Variants in IHO1 observed in about 807,000 individuals in gnomAD.
IHO1 encodes the protein interactor of HORMAD1 protein 1.
Under a neutral mutation model 31.0 loss-of-function variants are expected in IHO1, and 13 were observed. The observed-to-expected ratio is 0.42, with a 90% CI of 0.27 to 0.67. The LOEUF (loss-of-function observed/expected upper bound fraction) is 0.67. Ranked by LOEUF, IHO1 falls within the 30% of genes least tolerant of loss-of-function variation. The pLI, the probability that IHO1 is intolerant of heterozygous loss-of-function variation, is 0.24. For missense variants in IHO1, 599 were observed against 687.5 expected, an observed-to-expected ratio of 0.87 and a Z score of 1.44; for synonymous variants, 221 against 248.4, an observed-to-expected ratio of 0.89 and a Z score of 1.04.
Position 49,257,307 on chromosome 3 carries a change from C to A in IHO1, c.*25C>A. ...ACCAGTCCACAGTTGATTTATTGGT[C>A]TCAGCTAGAAAGAGAAATTGCAGGA... On this transcript the variant is annotated 3_prime_UTR_variant, in exon 8 of 8. Transcript: ENST00000452691. 1.3e-6 allele frequency: 2 copies of A among 1,598,546 alleles called. No individual in the cohort carries two copies. Among genetic ancestry groups the A allele is most frequent in the South Asian group, 2.3e-5 (2 of 88,716 alleles).
intron 2 of IHO1, among the ~76,000 whole-genome samples, chr3:49,221,065 T>G (rs1360881771): frequency 1.4e-4 from 21 of 152,066 alleles, no homozygotes. Context: ...TTTTACAGAG[T>G]GCTGATTGGG....
intron 6 of IHO1, among the ~76,000 whole-genome samples, chr3:49,250,035 A>G (rs1437323940): frequency 6.6e-6 from 1 of 152,256 alleles, no homozygotes. Context: ...AATGGATTTT[A>G]AATGGCATTT....
At chr3:49,246,858 CT>C (rs542095883) in intron 6 of IHO1, among the ~76,000 whole-genome samples, 158 of 143,772 alleles carry the variant, frequency 1.1e-3, no homozygotes, top group Non-Finnish European at 1.1e-3. Flanking sequence ...TTTTTCTTTT[CT>C]TTTTTTTTTT....
intron 6 of IHO1, chr3:49,252,381 A>G (rs2046770920): frequency 6.5e-6 from 1 of 153,120 alleles, no homozygotes; most frequent in Admixed American, 6.6e-5. Flanking sequence ...AAAAATACAC[A>G]TAACATAAAA....
chr3:49,215,895 A>G (rs535565242), intron 2 of IHO1, among the ~76,000 whole-genome samples: 7 of 152,300 alleles, frequency 4.6e-5, no homozygotes, highest in African/African-American at 1.7e-4. Context: ...GAGAAGGGTC[A>G]ATTTCTACAT....
the IHO1 span, chr3:49,191,892 G>T: frequency 1.2e-6 from 1 of 863,396 alleles, no homozygotes; most frequent in Non-Finnish European, 1.9e-6. Flanking sequence ...GGTTGTGACT[G>T]CACAATGCTG....
the IHO1 span, chr3:49,191,837 G>A: frequency 2.0e-6 from 3 of 1,483,428 alleles, no homozygotes; most frequent in Non-Finnish European, 2.7e-6. Context: ...CTTCAGGAAA[G>A]AGAATCTCTG....
rs769207734 is a variant in IHO1 at position 49,255,404 on chromosome 3, C to G, written c.547C>G (p.Gln183Glu). 7 of 1,601,124 alleles carry G rather than the reference C, an allele frequency of 4.4e-6. No homozygotes were observed. Among genetic ancestry groups the G allele is most frequent in the Non-Finnish European group, 6.0e-6 (7 of 1,176,390 alleles). ...TTTGTATTTAGTACAAGAGACTATA[C>G]AGGCCCAGAATGACCTGGTGTTTGA... ...TVAKTLQETI[Q>E]AQNDLVFEAV... The change falls in exon 7 of 8, where the codon CAG becomes GAG. Residue 183 changes from glutamine to glutamate, a missense_variant. Physicochemically the swap from Gln to Glu is conservative, Grantham distance 29. Coordinates refer to ENST00000452691, the MANE Select transcript of IHO1 (RefSeq NM_001135197.2).
At chr3:49,201,611 A>G (rs2046070649) in intron 1 of IHO1, among the ~76,000 whole-genome samples, 1 of 151,992 alleles carries the variant, frequency 6.6e-6, no homozygotes, top group Non-Finnish European at 1.5e-5. Flanking sequence ...CGACAAAGCG[A>G]GACTGCATCC....
chr3:49,192,724 G>A, the IHO1 span, among the ~76,000 whole-genome samples: 1 of 152,058 alleles, frequency 6.6e-6, no homozygotes, highest in Non-Finnish European at 1.5e-5. Context: ...TGGCTAACCT[G>A]GTCTCTACAA....
chr3:49,256,649 C>T lies in IHO1; in HGVS notation c.1152C>T (p.Asp384=), dbSNP rs1262229591. The change falls in exon 8 of 8, where the codon GAC becomes GAT. Residue 384 remains aspartate, a synonymous_variant. Coordinates refer to ENST00000452691, the MANE Select transcript of IHO1 (RefSeq NM_001135197.2). This position sits in a 1 kb window ranked among gnomAD's most constrained non-coding sequence, Gnocchi z 4.6. ...VPGHKIPSDR[D]LVSQGASQLT... is the part of the protein sequence containing the mutation. ...GCCATAAGATTCCCAGTGACAGGGA[C>T]CTGGTTTCCCAAGGAGCCTCACAGC... 2.5e-6 allele frequency: 4 copies of T among 1,614,230 alleles called. No homozygotes were observed. The highest frequency in any genetic ancestry group is 3.4e-6 in the Non-Finnish European group (4 of 1,180,044).
Position 49,212,310 on chromosome 3 carries a change from G to A in IHO1, c.56+474G>A, listed in dbSNP as rs112306246. On this transcript the variant is annotated intron_variant, in intron 2 of 7. Transcript: ENST00000452691. ...TCACCTGAGGTGATCAGGAGTTCAC[G>A]ACTAGCTTGGCCAACGTGGCAAAAC... 5.3e-5 allele frequency among the ~76,000 whole-genome samples: 8 copies of A among 151,130 alleles called. 1 individual carries two copies. Among genetic ancestry groups the A allele is most frequent in the African/African-American group, 1.5e-4 (6 of 41,142 alleles).
chr3:49,205,009 C>T (rs1195411124), intron 1 of IHO1, among the ~76,000 whole-genome samples: 1 of 150,056 alleles, frequency 6.7e-6, no homozygotes, highest in African/African-American at 2.5e-5. Flanking sequence ...GCCTGGGCAA[C>T]AGAGCAAGAC....
At chr3:49,206,581 T>C (rs2046141221) in intron 1 of IHO1, among the ~76,000 whole-genome samples, 2 of 152,266 alleles carry the variant, frequency 1.3e-5, no homozygotes, top group Admixed American at 6.5e-5. Flanking sequence ...AACAGCTACT[T>C]TCTTGCATTT....
intron 4 of IHO1, among the ~76,000 whole-genome samples, chr3:49,242,197 C>T (rs2046640288): frequency 6.6e-6 from 1 of 152,206 alleles, no homozygotes; most frequent in South Asian, 2.1e-4. Context: ...CCCACTTCGG[C>T]CTCCCAAAGT....
chr3:49,244,143 C>T (rs1327949901), intron 4 of IHO1, among the ~76,000 whole-genome samples: 4 of 151,708 alleles, frequency 2.6e-5, no homozygotes, highest in Non-Finnish European at 4.4e-5. Context: ...TTAGTAGAGA[C>T]GGGGTTTCAC....
intron 2 of IHO1, among the ~76,000 whole-genome samples, chr3:49,216,601 A>G (rs535431908): frequency 6.6e-6 from 1 of 152,358 alleles, no homozygotes; most frequent in Non-Finnish European, 1.5e-5. Flanking sequence ...CTTCATGACT[A>G]AAACACCAAA....
intron 1 of IHO1, 127 bp from the exon 2 acceptor site, chr3:49,211,639 A>G (rs925442360): frequency 7.8e-6 from 3 of 386,380 alleles, no homozygotes; most frequent in Non-Finnish European, 1.4e-5. Context: ...AAAAAAACAG[A>G]AATTTTCACT....
intron 6 of IHO1, among the ~76,000 whole-genome samples, chr3:49,254,378 A>G (rs1170558734): frequency 2.0e-5 from 3 of 152,136 alleles, no homozygotes; most frequent in Non-Finnish European, 2.9e-5. Flanking sequence ...TAGGTCCCCA[A>G]GTCTATTTGG....
Sources: gnomAD v4.1 joint callset for allele counts (sites outside exome capture counted in the v4.1 genomes callset) on GRCh38, gnomAD v4.1.1 for gene constraint, Gnocchi (gnomAD v3.1) non-coding constraint, MANE v1.5 for transcripts, NCBI Gene and HGNC (gene_info 2026-07-23, HGNC 2026-07-21) for gene names.